The following RAD21L1 variants were observed in gnomAD, a reference collection of about 807,000 sequenced individuals.
RAD21L1 encodes double-strand-break repair protein rad21-like protein 1.
A neutral mutation model predicts 69.0 loss-of-function variants in RAD21L1; 47 were observed. The observed-to-expected ratio is 0.68, with a 90% confidence interval of 0.54 to 0.87. The LOEUF is 0.87. Among genes scored for constraint, RAD21L1 ranks in the 40% least tolerant of loss-of-function variants. RAD21L1 has a pLI of 0.00. For synonymous variants in RAD21L1, 177 were observed against 205.8 expected (o/e 0.86, Z 1.20); for missense variants, 583 against 647.6 (o/e 0.90, Z 1.08).
intron 13 of RAD21L1, among the ~76,000 whole-genome samples, chr20:1,250,347 G>T (rs1302638718): frequency 6.6e-6 from 1 of 151,572 alleles, no homozygotes; most frequent in Non-Finnish European, 1.5e-5. Flanking sequence ...TTGGTGTGCT[G>T]CACCCATTAA....
Position 1,254,624 on chromosome 20 carries a change from C to T in RAD21L1, c.*167C>T. 2.4e-6 allele frequency: 1 copy of T among 424,046 alleles called. No homozygotes were observed. The highest frequency in any genetic ancestry group is 4.2e-5 in the Admixed American group (1 of 23,816). The allele number at this position is 424,046 out of a possible 1,614,324, so 26.3% of individuals were successfully genotyped here. On this transcript the variant is annotated 3_prime_UTR_variant, in exon 14 of 14. Transcript: ENST00000683101. The stretch of plus-strand genomic sequence containing the variant: ...AATAATCATAGCTAGAATTGGAAAC[C>T]TACATGCTTACAAAGAAATACTTTA...
intron 5 of RAD21L1, 126 bp from the exon 6 acceptor site, chr20:1,237,918 C>G (rs2087533197): frequency 2.0e-6 from 1 of 499,202 alleles, no homozygotes; most frequent in African/African-American, 1.9e-5. Flanking sequence ...AGTCTTTCAG[C>G]CATTCTCTTC....
At chr20:1,232,709 A>C (rs2087415977) in intron 4 of RAD21L1, among the ~76,000 whole-genome samples, 1 of 152,160 alleles carries the variant, frequency 6.6e-6, no homozygotes, top group African/African-American at 2.4e-5. Context: ...TTTTGGGATG[A>C]CTGTTACACA....
At chr20:1,229,008 A>G (rs2087328092) in intron 2 of RAD21L1, among the ~76,000 whole-genome samples, 1 of 152,264 alleles carries the variant, frequency 6.6e-6, no homozygotes, top group Non-Finnish European at 1.5e-5. Flanking sequence ...TATGTTCATT[A>G]TAAAACATTA....
intron 3 of RAD21L1, 55 bp downstream of exon 3, chr20:1,230,064 G>A: frequency 7.2e-7 from 1 of 1,382,808 alleles, no homozygotes; most frequent in Non-Finnish European, 9.9e-7. Flanking sequence ...CATTTTAATT[G>A]GGGGTGGGAT....
At chr20:1,242,325 C>A (rs1394165389) in intron 8 of RAD21L1, among the ~76,000 whole-genome samples, 1 of 152,158 alleles carries the variant, frequency 6.6e-6, no homozygotes, top group Non-Finnish European at 1.5e-5. Context: ...CTCTGCCACT[C>A]AGGCTCAAGG....
At chr20:1,241,072 C>G (rs1439684063) in intron 8 of RAD21L1, among the ~76,000 whole-genome samples, 1 of 152,226 alleles carries the variant, frequency 6.6e-6, no homozygotes. Context: ...TCCTGTACCT[C>G]TGTATCACTT....
chr20:1,242,895 A>G, intron 9 of RAD21L1, 50 bp downstream of exon 9: 3 of 1,169,172 alleles, frequency 2.6e-6, no homozygotes, highest in Non-Finnish European at 2.5e-6. Flanking sequence ...TTATAAATAA[A>G]TAATAAATAA....
chr20:1,238,091 A>G lies in RAD21L1; in HGVS notation c.523A>G (p.Ile175Val). The G allele has an allele frequency of 6.5e-7, 1 of 1,541,556 alleles. No individual in the cohort carries two copies. Among genetic ancestry groups the G allele is most frequent in the Non-Finnish European group, 8.8e-7 (1 of 1,139,768 alleles). The part of the protein sequence containing the change: ...LRRHSFFDDN[I>V]LLNSSGPLIE... ...AAGACATAGCTTCTTTGATGACAAC[A>G]TATTACTGAATTCCAGTGGTCCTTT... Residue 175 changes from isoleucine to valine, a missense_variant, in exon 6 of 14, where the codon ATA (isoleucine) becomes GTA (valine). Physicochemically the swap from Ile to Val is conservative, Grantham distance 29 (BLOSUM62 3). Coordinates refer to ENST00000683101, the MANE Select transcript of RAD21L1 (RefSeq NM_001384355.1).
intron 5 of RAD21L1, among the ~76,000 whole-genome samples, chr20:1,235,420 T>G (rs2087474182): frequency 6.6e-6 from 1 of 152,192 alleles, no homozygotes; most frequent in Admixed American, 6.5e-5. Context: ...ATTTTCAATC[T>G]GTATTGTATT....
At chr20:1,245,374 A>G (rs17779487) in intron 11 of RAD21L1, among the ~76,000 whole-genome samples, 6,274 of 152,286 alleles carry the variant, frequency 0.041, 166 homozygotes, top group Middle Eastern at 0.065. Flanking sequence ...AATTGAGAGT[A>G]TCAAAAATGT....
At chr20:1,239,459 C>G in intron 7 of RAD21L1, 52 bp downstream of exon 7, 2 of 945,228 alleles carry the variant, frequency 2.1e-6, no homozygotes, top group Non-Finnish European at 3.3e-6. Context: ...AATGTTTAAG[C>G]CTCAGAACTT....
At chr20:1,234,642 G>A (rs1436847503) in intron 5 of RAD21L1, among the ~76,000 whole-genome samples, 1 of 152,212 alleles carries the variant, frequency 6.6e-6, no homozygotes, top group African/African-American at 2.4e-5. Context: ...ATCAGCCTGG[G>A]GGTGAGGAAG....
Position 1,238,125 on chromosome 20 carries a change from A to C in RAD21L1, c.557A>C (p.His186Pro). The C allele has an allele frequency of 1.3e-6, 2 of 1,544,780 alleles. No homozygotes were observed. Among genetic ancestry groups the C allele is most frequent in the South Asian group, 1.2e-5 (1 of 83,056 alleles). Residue 186 changes from histidine to proline, a missense_variant, in exon 6 of 14, where the codon CAT becomes CCT. Physicochemically the swap from His to Pro is moderately conservative, Grantham distance 77 (BLOSUM62 -2). Coordinates refer to ENST00000683101, the MANE Select transcript of RAD21L1 (RefSeq NM_001384355.1). Reference protein sequence around the residue: ...LLNSSGPLIEHSSGSLTGERS... With the variant: ...LLNSSGPLIEPSSGSLTGERS... ...AATTCCAGTGGTCCTTTAATTGAACATAGTTCTGGAAGCCTCACTGGAGAA... is the reference window on the plus strand; with the variant it reads ...AATTCCAGTGGTCCTTTAATTGAACCTAGTTCTGGAAGCCTCACTGGAGAA...
intron 4 of RAD21L1, among the ~76,000 whole-genome samples, chr20:1,233,029 C>T (rs1398926950): frequency 6.6e-6 from 1 of 152,218 alleles, no homozygotes; most frequent in Non-Finnish European, 1.5e-5. Flanking sequence ...AACAGGCCCT[C>T]ACCAGACACC....
At position 1,250,729 on chromosome 20, in the gene RAD21L1, T is replaced by C. The variant is rs758033838; in HGVS notation, c.1479+2026T>C. On this transcript the variant is annotated intron_variant, in intron 13 of 13. Coordinates refer to ENST00000683101, the MANE Select transcript of RAD21L1 (RefSeq NM_001384355.1). Reference sequence around the variant, plus strand: ...TCCTTTACTTCATTTTTTTATTTGCTCAGTGTCTATAAACCCATTTTAATT... The same window carrying C: ...TCCTTTACTTCATTTTTTTATTTGCCCAGTGTCTATAAACCCATTTTAATT... Among the ~76,000 whole-genome samples the C allele has an allele frequency of 8.5e-5, 13 of 152,240 alleles. No homozygotes were observed. The South Asian group carries it at 1.0e-3, about 12-fold the overall frequency.
chr20:1,227,058 C>T (rs779366967), intron 1 of RAD21L1, among the ~76,000 whole-genome samples: 1 of 152,006 alleles, frequency 6.6e-6, no homozygotes, highest in Non-Finnish European at 1.5e-5. Flanking sequence ...TACAGACGCC[C>T]GCCACCGTGC....
Position 1,238,041 on chromosome 20 carries a change from TA to T in RAD21L1, c.476-2del. 1 of 1,459,644 alleles carries T rather than the reference TA, an allele frequency of 6.9e-7. No homozygotes were observed. Among genetic ancestry groups the T allele is most frequent in the South Asian group, 1.3e-5 (1 of 75,540 alleles). The allele number at this position is 1,459,644 out of a possible 1,614,324, so 90.4% of individuals were successfully genotyped here. A position where few individuals can be genotyped will look rare whatever the true frequency, so the allele number is the denominator to read the frequency against. On this transcript the variant is annotated splice_acceptor_variant, in intron 5 of 13. Transcript: ENST00000683101. LOFTEE classifies it high-confidence loss of function. ...TTAGTATTAATGATATATATTTATT[TA>T]GGGGAGGAATCTGAAATTCTCAGAA...
Position 1,246,309 on chromosome 20 carries a change from A to G in RAD21L1, c.1401+4A>G. On this transcript the variant is annotated splice_donor_region_variant and intron_variant, in intron 12 of 13. Transcript: ENST00000683101. The surrounding 1 kb of genome is among the most constrained non-coding windows in gnomAD (Gnocchi z 4.6). The stretch of plus-strand genomic sequence containing the variant: ...TGAATATAGTCCAGTTGAATTGGTA[A>G]ATATATGTGTAGTCTTGGGGATGTT... 1 of 1,399,710 alleles carries G rather than the reference A, an allele frequency of 7.1e-7. No homozygotes were observed. Among genetic ancestry groups the G allele is most frequent in the Admixed American group, 2.2e-5 (1 of 46,084 alleles). 86.7% of individuals were successfully genotyped at this position (1,399,710 alleles called of 1,614,324 possible). A position where few individuals can be genotyped will look rare whatever the true frequency, so the allele number is the denominator to read the frequency against.
Sources: allele counts gnomAD v4.1 joint callset (sites outside exome capture counted in the v4.1 genomes callset), GRCh38; gene constraint gnomAD v4.1.1; non-coding constraint Gnocchi (gnomAD v3.1); transcripts MANE v1.5; gene names NCBI Gene and HGNC (gene_info 2026-07-23, HGNC 2026-07-21).